LRP1B: variants seen among roughly 807,000 people sequenced by gnomAD.
The protein encoded by LRP1B is low-density lipoprotein receptor-related protein 1B.
Under a neutral mutation model 556.6 loss-of-function variants are expected in LRP1B, and 217 were observed. That is an observed-to-expected ratio of 0.39 (90% CI 0.35 to 0.44). The LOEUF is 0.44. Ranked by LOEUF, LRP1B falls within the 20% of genes least tolerant of loss-of-function variation. The pLI, the probability that LRP1B is intolerant of heterozygous loss-of-function variation, is 1.00. For missense variants in LRP1B, 5,053 were observed against 5,620.8 expected, an observed-to-expected ratio of 0.90 and a Z score of 3.23; for synonymous variants, 2,047 against 1,865.8, an observed-to-expected ratio of 1.10 and a Z score of -2.50.
chr2:141,738,256 A>G (rs1165234278), intron 2 of LRP1B, among the ~76,000 whole-genome samples: 3 of 152,176 alleles, frequency 2.0e-5, no homozygotes, highest in Non-Finnish European at 2.9e-5. Context: ...CAAATGGACT[A>G]TTTTTATTTC....
intron 25 of LRP1B, among the ~76,000 whole-genome samples, chr2:140,876,136 G>A (rs72988189): frequency 2.0e-5 from 3 of 152,104 alleles, no homozygotes; most frequent in African/African-American, 7.2e-5. Flanking sequence ...AAATGTTTAT[G>A]AGTATCAAGC....
At chr2:141,919,204 TAC>T (rs1481193936) in intron 1 of LRP1B, among the ~76,000 whole-genome samples, 1 of 152,112 alleles carries the variant, frequency 6.6e-6, no homozygotes, top group Admixed American at 6.6e-5. Context: ...CATACACATA[TAC>T]ATATATAAAG....
At chr2:142,001,541 A>G (rs551838927) in intron 1 of LRP1B, among the ~76,000 whole-genome samples, 2 of 152,298 alleles carry the variant, frequency 1.3e-5, no homozygotes, top group South Asian at 4.1e-4. Context: ...AAACGCAAAG[A>G]AAGGTAAGGA....
chr2:140,726,894 C>T (rs924212130), intron 35 of LRP1B, among the ~76,000 whole-genome samples: 3 of 152,046 alleles, frequency 2.0e-5, no homozygotes, highest in African/African-American at 7.2e-5. Flanking sequence ...TTGGACACTA[C>T]ATAGAATAAT....
At chr2:140,307,004 C>T (rs1684095495) in intron 83 of LRP1B, among the ~76,000 whole-genome samples, 1 of 151,866 alleles carries the variant, frequency 6.6e-6, no homozygotes, top group Non-Finnish European at 1.5e-5. Context: ...ATGGAAATGT[C>T]TTGGAATCTC....
intron 3 of LRP1B, among the ~76,000 whole-genome samples, chr2:141,303,417 C>T (rs1686467781): frequency 6.6e-6 from 1 of 152,084 alleles, no homozygotes; most frequent in Admixed American, 6.5e-5. Flanking sequence ...GTCAATGTCT[C>T]TTCATGGTAA....
rs1684798655 is a variant in LRP1B, at chr2:141,264,065, C to T, written c.344-9424G>A. ...GATAACTTCTCTTACCATTTATATT[C>T]AGTAATATATTGAAGTTTGTAACCA... On this transcript the variant is annotated intron_variant, in intron 3 of 90. Transcript: ENST00000389484. Among the ~76,000 whole-genome samples, 4 of 152,088 alleles carry T rather than the reference C, an allele frequency of 2.6e-5. No homozygotes were observed. The South Asian group carries it at 8.3e-4, about 32-fold the overall frequency.
chr2:141,421,812 A>G (rs1680154707), intron 3 of LRP1B, among the ~76,000 whole-genome samples: 1 of 152,144 alleles, frequency 6.6e-6, no homozygotes, highest in Non-Finnish European at 1.5e-5. Flanking sequence ...CTCTTTCTCT[A>G]TCTCTGAACG....
chr2:140,500,864 G>A (rs944614950), intron 55 of LRP1B, among the ~76,000 whole-genome samples: 2 of 151,774 alleles, frequency 1.3e-5, no homozygotes, highest in African/African-American at 4.8e-5. Context: ...ACCCTGTAAT[G>A]GTCCTAATTT....
At chr2:140,460,943 C>G (rs1356954514) in intron 60 of LRP1B, among the ~76,000 whole-genome samples, 2 of 151,492 alleles carry the variant, frequency 1.3e-5, no homozygotes, top group African/African-American at 4.9e-5. Context: ...TGCTAAAGCT[C>G]AATGTAATTA....
At chr2:140,595,223 C>T (rs1206983695) in intron 43 of LRP1B, among the ~76,000 whole-genome samples, 1 of 149,204 alleles carries the variant, frequency 6.7e-6, no homozygotes, top group Non-Finnish European at 1.5e-5. Flanking sequence ...TGGATTACAA[C>T]AATTGACAAT....
chr2:142,088,893 T>C (rs1326621212), intron 1 of LRP1B, among the ~76,000 whole-genome samples: 1 of 144,754 alleles, frequency 6.9e-6, no homozygotes. Flanking sequence ...GAGAATGGCA[T>C]GAACCTGGCA....
At chr2:140,293,302 G>A (rs1368613352) in intron 84 of LRP1B, among the ~76,000 whole-genome samples, 2 of 152,124 alleles carry the variant, frequency 1.3e-5, no homozygotes, top group Non-Finnish European at 2.9e-5. Flanking sequence ...AAAATGTCAT[G>A]CTCACTTGTT....
intron 10 of LRP1B, among the ~76,000 whole-genome samples, chr2:141,052,818 T>C (rs1699074236): frequency 6.6e-6 from 1 of 151,850 alleles, no homozygotes; most frequent in African/African-American, 2.4e-5. Flanking sequence ...TTGTAGCTTT[T>C]TTAGAGACTA....
intron 1 of LRP1B, among the ~76,000 whole-genome samples, chr2:141,867,899 G>A (rs914698409): frequency 3.9e-5 from 6 of 152,078 alleles, no homozygotes; most frequent in Admixed American, 3.9e-4. Context: ...CATGTAAAGG[G>A]CAAGAAAGCA....
intron 2 of LRP1B, among the ~76,000 whole-genome samples, chr2:141,741,036 C>T (rs1395869711): frequency 6.6e-6 from 1 of 152,072 alleles, no homozygotes; most frequent in Non-Finnish European, 1.5e-5. Context: ...CTTTTTGCGC[C>T]TGCCTTATTT....
At chr2:141,829,644 A>G (rs2105743442) in intron 1 of LRP1B, among the ~76,000 whole-genome samples, 1 of 152,180 alleles carries the variant, frequency 6.6e-6, no homozygotes, top group African/African-American at 2.4e-5. Context: ...AAGAAGGAAC[A>G]GAGGGAAAGT....
Position 140,811,433 on chromosome 2 carries a change from T to C in LRP1B, c.5359+2224A>G, listed in dbSNP as rs953511612. 2.0e-5 allele frequency among the ~76,000 whole-genome samples: 3 copies of C among 152,318 alleles called. No individual in the cohort carries two copies. In the East Asian group the frequency reaches 5.8e-4, roughly 29 times the overall value. ...AAATAAACCTTCATAAAGCCTTAAA[T>C]ATTTCTACAAGGTAACAATTTTATT... On this transcript the variant is annotated intron_variant, in intron 32 of 90. Coordinates refer to ENST00000389484, the MANE Select transcript of LRP1B (RefSeq NM_018557.3).
chr2:142,127,655 C>G lies in LRP1B; in HGVS notation c.82+2993G>C, dbSNP rs191285097. Among the ~76,000 whole-genome samples the G allele has an allele frequency of 8.5e-5, 13 of 152,048 alleles. No individual in the cohort carries two copies. The East Asian group carries it at 1.2e-3, about 14-fold the overall frequency. On this transcript the variant is annotated intron_variant, in intron 1 of 90. Coordinates refer to ENST00000389484, the MANE Select transcript of LRP1B (RefSeq NM_018557.3). ...ATGTTATTTGTGGCATATGAAGAGACATAAATCGCAGTTCATTCTTCTTTG... is the reference window on the plus strand; with the variant it reads ...ATGTTATTTGTGGCATATGAAGAGAGATAAATCGCAGTTCATTCTTCTTTG...
Sources: gnomAD v4.1 joint callset for allele counts (sites outside exome capture counted in the v4.1 genomes callset) on GRCh38, gnomAD v4.1.1 for gene constraint, MANE v1.5 for transcripts, NCBI Gene and HGNC (gene_info 2026-07-23, HGNC 2026-07-21) for gene names.